The following MED23 variants were observed in gnomAD, a reference collection of about 807,000 sequenced individuals.
MED23 encodes the protein mediator of RNA polymerase II transcription subunit 23.
Under a neutral mutation model 163.9 loss-of-function variants are expected in MED23, and 105 were observed. The observed-to-expected ratio is 0.64, with a 90% CI of 0.55 to 0.75. MED23 has a LOEUF of 0.75. MED23 is among the 30% of genes least tolerant of loss of function. The pLI, the probability that MED23 is intolerant of heterozygous loss-of-function variation, is 0.00. For synonymous variants in MED23, 561 were observed against 565.6 expected (o/e 0.99, Z 0.12); for missense variants, 1,054 against 1,649.0 (o/e 0.64, Z 6.25).
intron 6 of MED23, among the ~76,000 whole-genome samples, chr6:131,621,334 G>C (rs1319840148): frequency 6.6e-6 from 1 of 151,586 alleles, no homozygotes; most frequent in East Asian, 1.9e-4. Flanking sequence ...AAAAAAATAA[G>C]TATATATAAT....
intron 17 of MED23, 107 bp from the exon 18 acceptor site, chr6:131,600,269 G>A: frequency 9.0e-7 from 1 of 1,110,324 alleles, no homozygotes; most frequent in Non-Finnish European, 1.3e-6. Context: ...TTTCACTGCA[G>A]TGCATTCACT....
At position 131,598,104 on chromosome 6, in the gene MED23, A is replaced by C; in HGVS notation, c.2607+183T>G. 2.8e-6 allele frequency: 2 copies of C among 702,732 alleles called. No individual in the cohort carries two copies. The highest frequency in any genetic ancestry group is 4.8e-6 in the Non-Finnish European group (2 of 415,502). 43.5% of individuals were successfully genotyped at this position (702,732 alleles called of 1,614,324 possible). A position where few individuals can be genotyped will look rare whatever the true frequency, so the allele number is the denominator to read the frequency against. On this transcript the variant is annotated intron_variant, in intron 20 of 28. Coordinates refer to ENST00000368068, the MANE Select transcript of MED23 (RefSeq NM_004830.4). This position sits in a 1 kb window ranked among gnomAD's most constrained non-coding sequence, Gnocchi z 4.7. Reference sequence around the variant, plus strand: ...GACCCTGTCTCAAAAAACAAACAAAAAAACAAAAACAAACAAAAACAGAAA... The same window carrying C: ...GACCCTGTCTCAAAAAACAAACAAACAAACAAAAACAAACAAAAACAGAAA...
chr6:131,591,813 ATTAC>A (rs1291411589), intron 25 of MED23: 1 of 388,430 alleles, frequency 2.6e-6, no homozygotes, highest in Admixed American at 4.1e-5. Flanking sequence ...CTATAGCTTT[ATTAC>A]TTATTTAAAA....
intron 11 of MED23, among the ~76,000 whole-genome samples, chr6:131,608,702 G>A (rs1038612582): frequency 6.6e-5 from 10 of 152,046 alleles, no homozygotes; most frequent in South Asian, 2.1e-4. Flanking sequence ...CACCCCACCC[G>A]GCTGGTTTTC....
Position 131,621,267 on chromosome 6 carries a change from C to T in MED23, c.496-538G>A, listed in dbSNP as rs1451753051. Among the ~76,000 whole-genome samples the T allele has an allele frequency of 3.3e-5, 5 of 151,926 alleles. No individual in the cohort carries two copies. The East Asian group carries it at 7.7e-4, about 24-fold the overall frequency. Reference sequence around the variant, plus strand: ...ACATTATGGTGACTATGGTTAATAACGATATAGTGTATACTTCAAAATTGC... The same window carrying T: ...ACATTATGGTGACTATGGTTAATAATGATATAGTGTATACTTCAAAATTGC... On this transcript the variant is annotated intron_variant, in intron 6 of 28. Transcript: ENST00000368068.
chr6:131,607,482 T>C (rs1180660702), intron 12 of MED23, among the ~76,000 whole-genome samples: 2 of 151,648 alleles, frequency 1.3e-5, no homozygotes, highest in Non-Finnish European at 2.9e-5. Context: ...GAGGTGGAGG[T>C]TGCAGTGAGC....
chr6:131,594,457 T>A (rs141030309), intron 22 of MED23, 122 bp from the exon 23 acceptor site: 2 of 802,278 alleles, frequency 2.5e-6, no homozygotes, highest in Non-Finnish European at 4.4e-6. Flanking sequence ...CAACTTCACA[T>A]GCTGGGCAAT....
intron 30 of MED23, among the ~76,000 whole-genome samples, chr6:131,579,829 CGT>C (rs367611464): frequency 2.7e-5 from 4 of 149,368 alleles, no homozygotes; most frequent in Non-Finnish European, 3.0e-5. Context: ...CTTTGTTTAA[CGT>C]GTGTGTGTGT....
rs1214004111 is a variant in MED23, at chr6:131,606,548, T to C, written c.1298A>G (p.Asn433Ser). 7.4e-6 allele frequency: 12 copies of C among 1,613,502 alleles called. No homozygotes were observed. The highest frequency in any genetic ancestry group is 2.2e-5 in the South Asian group (2 of 91,076). Residue 433 changes from asparagine (N) to serine (S), a missense_variant, in exon 13 of 29, where the codon AAT becomes AGT. Physicochemically the swap from Asn to Ser is conservative, Grantham distance 46. Around this residue, in one of 11 missense-constraint regions of MED23, gnomAD observed 61 missense variants for 154.2 expected, o/e 0.40. Transcript: ENST00000368068. ...GGAGTTGTCATTTTGAGCTTTTCTATTGAGATGAATCCAAATACAGGTCAT... is the reference window on the plus strand; with the variant it reads ...GGAGTTGTCATTTTGAGCTTTTCTACTGAGATGAATCCAAATACAGGTCAT... ...FAMTCIWIHL[N>S]RKAQNDNSKL...
chr6:131,587,700 C>T lies in MED23; in HGVS notation c.4086G>A (p.Val1362=). ...GGCTTCACTGAGTTACTGGTAAAGA[C>T]ACGGGCACCTGATTAGACTGAGGTG... ...SPAPQSNQVP[V]SLPVTQ The change falls in exon 29 of 29, where the codon GTG becomes GTA. Residue 1362 remains valine (V), a synonymous_variant. Coordinates refer to ENST00000368068, the MANE Select transcript of MED23 (RefSeq NM_004830.4). The T allele has an allele frequency of 1.2e-6, 2 of 1,614,134 alleles. No homozygotes were observed. Among genetic ancestry groups the T allele is most frequent in the Non-Finnish European group, 1.7e-6 (2 of 1,180,004 alleles).
chr6:131,616,223 G>C (rs986951619), intron 9 of MED23, among the ~76,000 whole-genome samples: 3 of 151,974 alleles, frequency 2.0e-5, no homozygotes, highest in African/African-American at 7.3e-5. Context: ...CTTGCCCCAA[G>C]GTCATACAGA....
At chr6:131,589,183 T>C (rs1774401348) in intron 28 of MED23, among the ~76,000 whole-genome samples, 1 of 152,180 alleles carries the variant, frequency 6.6e-6, no homozygotes. Flanking sequence ...TGTTTCTCCC[T>C]AATGAGATTA....
chr6:131,582,020 A>G (rs898830356), downstream of MED23, among the ~76,000 whole-genome samples: 5 of 152,180 alleles, frequency 3.3e-5, no homozygotes, highest in African/African-American at 4.8e-5. Context: ...ATGCCATAGT[A>G]TATCAATAAA....
Position 131,587,432 on chromosome 6 carries a change from C to A in MED23, c.*247G>T. On this transcript the variant is annotated 3_prime_UTR_variant, in exon 29 of 29. Coordinates refer to ENST00000368068, the MANE Select transcript of MED23 (RefSeq NM_004830.4). ...CAGATACCTCTATGTTCCTACATAG[C>A]TCTAATAAGTTGTTATGAATATGAA... The A allele has an allele frequency of 7.5e-7, 1 of 1,328,222 alleles. No homozygotes were observed. The highest frequency in any genetic ancestry group is 9.7e-7 in the Non-Finnish European group (1 of 1,035,240). 82.3% of individuals were successfully genotyped at this position (1,328,222 alleles called of 1,614,324 possible). A position where few individuals can be genotyped will look rare whatever the true frequency, so the allele number is the denominator to read the frequency against.
chr6:131,581,188 T>A, intron 30 of MED23: 1 of 1,612,442 alleles, frequency 6.2e-7, no homozygotes, highest in Admixed American at 1.7e-5. Context: ...ACTGCAAACC[T>A]GATGTTCACA....
chr6:131,624,814 T>C, intron 4 of MED23, 51 bp downstream of exon 4: 1 of 1,604,226 alleles, frequency 6.2e-7, no homozygotes, highest in Non-Finnish European at 8.5e-7. Flanking sequence ...CAATTTCCAA[T>C]CACATATAGA....
At chr6:131,590,815 C>A (rs1182066541) in intron 26 of MED23, among the ~76,000 whole-genome samples, 1 of 151,990 alleles carries the variant, frequency 6.6e-6, no homozygotes, top group East Asian at 1.9e-4. Context: ...GACGGGGTTT[C>A]ACCATGTTGG....
rs1304431864 is a variant in MED23, at chr6:131,628,083, G to A, written c.-34C>T. On this transcript the variant is annotated 5_prime_UTR_variant, in exon 1 of 29. Coordinates refer to ENST00000368068, the MANE Select transcript of MED23 (RefSeq NM_004830.4). Reference sequence around the variant, plus strand: ...TCACCCCCGCCTTTCCAGGGTGCCCGGCAAGGCCCGGATCAGACTCGAGCT... The same window carrying A: ...TCACCCCCGCCTTTCCAGGGTGCCCAGCAAGGCCCGGATCAGACTCGAGCT... The A allele has an allele frequency of 6.2e-7, 1 of 1,613,148 alleles. No homozygotes were observed. The highest frequency in any genetic ancestry group is 8.5e-7 in the Non-Finnish European group (1 of 1,179,654).
At position 131,603,176 on chromosome 6, in the gene MED23, T is replaced by C; in HGVS notation, c.1785A>G (p.Ser595=). 6.2e-7 allele frequency: 1 copy of C among 1,613,900 alleles called. No individual in the cohort carries two copies. The highest frequency in any genetic ancestry group is 8.5e-7 in the Non-Finnish European group (1 of 1,179,870). The change falls in exon 16 of 29, where the codon TCA becomes TCG. Residue 595 remains serine, a synonymous_variant. Coordinates refer to ENST00000368068, the MANE Select transcript of MED23 (RefSeq NM_004830.4). ...ISQLLPTVFK[S]HAWGILHTLL... ...GTGTGTGTAAGATCCCCCATGCATG[T>C]GATTTGAAAACAGTTGGCAAAAGCT... is the stretch of plus-strand genomic sequence containing the variant.
Sources: gnomAD v4.1 joint callset for allele counts (sites outside exome capture counted in the v4.1 genomes callset) on GRCh38, gnomAD v4.1.1 for gene constraint, gnomAD v4.1.1 regional missense constraint, Gnocchi (gnomAD v3.1) non-coding constraint, MANE v1.5 for transcripts, NCBI Gene and HGNC (gene_info 2026-07-23, HGNC 2026-07-21) for gene names.